Variants in VWA8 observed in about 807,000 individuals in gnomAD.
The protein encoded by VWA8 is von Willebrand factor A domain-containing protein 8.
Under a neutral mutation model 241.5 loss-of-function variants are expected in VWA8, and 221 were observed. The ratio of observed to expected loss-of-function variants is 0.91; its 90% confidence interval spans 0.82 to 1.02. The LOEUF (loss-of-function observed/expected upper bound fraction) is 1.02, where lower values mean the gene tolerates loss of function less well. Among genes scored for constraint, VWA8 ranks in the 50% least tolerant of loss-of-function variants. The probability of loss-of-function intolerance (pLI) is 0.00; values close to 1 mark genes in which losing one functional copy is unlikely to be tolerated. For synonymous variants in VWA8, 852 were observed against 827.1 expected, an observed-to-expected ratio of 1.03 and a Z score of -0.52; for missense variants, 2,322 against 2,328.7, an observed-to-expected ratio of 1.00 and a Z score of 0.06.
intron 21 of VWA8, among the ~76,000 whole-genome samples, chr13:41,749,361 G>T (rs9566842): frequency 0.26 from 39,087 of 151,984 alleles, 5,872 homozygotes; most frequent in Non-Finnish European, 0.33. Flanking sequence ...AAACAATAGG[G>T]GCTGGAGAGG....
At chr13:41,776,582 G>A (rs1466486757) in intron 20 of VWA8, among the ~76,000 whole-genome samples, 1 of 152,174 alleles carries the variant, frequency 6.6e-6, no homozygotes, top group African/African-American at 2.4e-5. Context: ...TGAAACAAGA[G>A]AATATTACTT....
At chr13:41,812,155 A>T (rs891704493) in intron 16 of VWA8, among the ~76,000 whole-genome samples, 3 of 152,178 alleles carry the variant, frequency 2.0e-5, no homozygotes, top group Non-Finnish European at 4.4e-5. Flanking sequence ...TTAGAAAATG[A>T]TTCTAAAGTG....
intron 40 of VWA8, among the ~76,000 whole-genome samples, chr13:41,600,434 T>C (rs1399055489): frequency 2.6e-5 from 4 of 152,100 alleles, no homozygotes; most frequent in Non-Finnish European, 5.9e-5. Context: ...TTTGCTGCTC[T>C]CCTGTGACAT....
intron 20 of VWA8, among the ~76,000 whole-genome samples, chr13:41,774,398 C>A (rs1273579396): frequency 1.3e-5 from 2 of 152,238 alleles, no homozygotes; most frequent in African/African-American, 4.8e-5. Flanking sequence ...TCACCTTGGC[C>A]TCCCAAAGTG....
At chr13:41,774,050 C>T (rs902724634) in intron 20 of VWA8, among the ~76,000 whole-genome samples, 1 of 152,062 alleles carries the variant, frequency 6.6e-6, no homozygotes, top group Admixed American at 6.5e-5. Flanking sequence ...TCTTATAGCC[C>T]CCTGAAAACA....
At chr13:41,866,444 C>G (rs1434653190) in intron 10 of VWA8, among the ~76,000 whole-genome samples, 2 of 151,208 alleles carry the variant, frequency 1.3e-5, no homozygotes, top group African/African-American at 4.9e-5. Flanking sequence ...ATGTTTTTCT[C>G]AAAATATCAG....
intron 14 of VWA8, among the ~76,000 whole-genome samples, chr13:41,828,100 T>A (rs1593798502): frequency 6.6e-6 from 1 of 152,186 alleles, no homozygotes; most frequent in East Asian, 1.9e-4. Context: ...ACCAACCATT[T>A]ACCAGTCTAA....
At chr13:41,783,972 G>T in intron 18 of VWA8, 71 bp from the exon 19 acceptor site, 1 of 1,054,896 alleles carries the variant, frequency 9.5e-7, no homozygotes, top group Non-Finnish European at 1.5e-6. Flanking sequence ...ACCCAACACA[G>T]AATGCAATAC....
At chr13:41,684,322 T>C (rs747132468) in intron 35 of VWA8, among the ~76,000 whole-genome samples, 7 of 151,898 alleles carry the variant, frequency 4.6e-5, no homozygotes, top group African/African-American at 1.2e-4. Flanking sequence ...AGACACAAGA[T>C]AATATATCAC....
chr13:41,926,416 C>CG, intron 2 of VWA8: 1 of 533,114 alleles, frequency 1.9e-6, no homozygotes, highest in Non-Finnish European at 3.7e-6. Flanking sequence ...AACATCATCC[C>CG]GGGGGAGCTG....
intron 15 of VWA8, 63 bp downstream of exon 15, chr13:41,819,155 C>A: frequency 6.6e-7 from 1 of 1,508,934 alleles, no homozygotes; most frequent in South Asian, 1.3e-5. Flanking sequence ...TGGCATGTAT[C>A]AGAGTGCCTT....
chr13:41,593,068 G>A (rs916950122), intron 40 of VWA8, among the ~76,000 whole-genome samples: 6 of 152,168 alleles, frequency 3.9e-5, no homozygotes, highest in East Asian at 1.9e-4. Context: ...TAGCACTGTC[G>A]TTGGAAATAC....
chr13:41,746,495 C>A (rs1254548182), intron 21 of VWA8, among the ~76,000 whole-genome samples: 1 of 152,150 alleles, frequency 6.6e-6, no homozygotes, highest in African/African-American at 2.4e-5. Flanking sequence ...AATGTAACCA[C>A]TTGGTGGGTA....
At chr13:41,855,790 A>G (rs916396180) in intron 12 of VWA8, among the ~76,000 whole-genome samples, 1 of 152,166 alleles carries the variant, frequency 6.6e-6, no homozygotes, top group Non-Finnish European at 1.5e-5. Context: ...TTTACTATGT[A>G]TGAATTATAC....
chr13:41,626,496 T>A (rs2044692496), intron 37 of VWA8, among the ~76,000 whole-genome samples: 1 of 152,124 alleles, frequency 6.6e-6, no homozygotes, highest in Non-Finnish European at 1.5e-5. Flanking sequence ...CCCATAGGCA[T>A]CACACTACCT....
chr13:41,867,449 G>A (rs1873365488), intron 10 of VWA8, among the ~76,000 whole-genome samples: 1 of 152,164 alleles, frequency 6.6e-6, no homozygotes, highest in Non-Finnish European at 1.5e-5. Context: ...AGAAATCCCA[G>A]CTGTGCCATC....
chr13:41,770,466 A>T (rs1054331921), intron 20 of VWA8, among the ~76,000 whole-genome samples: 17 of 150,806 alleles, frequency 1.1e-4, no homozygotes, highest in Admixed American at 9.2e-4. Context: ...AAGAAAAGAA[A>T]CTGTAGTTTG....
chr13:41,819,935 A>C (rs1462655659), intron 14 of VWA8, among the ~76,000 whole-genome samples: 2 of 152,216 alleles, frequency 1.3e-5, no homozygotes, highest in Admixed American at 6.5e-5. Context: ...AGAGAAAATA[A>C]AACCTTTATA....
At chr13:41,866,966 G>T (rs188471074) in intron 10 of VWA8, among the ~76,000 whole-genome samples, 1 of 152,222 alleles carries the variant, frequency 6.6e-6, no homozygotes, top group East Asian at 1.9e-4. Context: ...GCCATGTTCT[G>T]ATGAGGACTC....
Sources: gnomAD v4.1 joint callset for allele counts (sites outside exome capture counted in the v4.1 genomes callset) on GRCh38, gnomAD v4.1.1 for gene constraint, MANE v1.5 for transcripts, NCBI Gene and HGNC (gene_info 2026-07-23, HGNC 2026-07-21) for gene names.